PLK4: variants seen among roughly 807,000 people sequenced by gnomAD.
The protein encoded by PLK4 is serine/threonine-protein kinase PLK4.
A neutral mutation model predicts 103.0 loss-of-function variants in PLK4; 51 were observed. That is an observed-to-expected ratio of 0.50 (90% CI 0.40 to 0.63). The LOEUF is 0.63. Ranked by LOEUF, PLK4 falls within the 20% of genes least tolerant of loss-of-function variation. The pLI is 0.00. For missense variants in PLK4, 1,054 were observed against 1,151.0 expected, an observed-to-expected ratio of 0.92 and a Z score of 1.22; for synonymous variants, 389 against 376.8, an observed-to-expected ratio of 1.03 and a Z score of -0.38.
At chr4:127,887,979 A>C (rs1203784916) in intron 6 of PLK4, among the ~76,000 whole-genome samples, 4 of 151,176 alleles carry the variant, frequency 2.6e-5, no homozygotes, top group African/African-American at 9.7e-5. Flanking sequence ...CAGGCATTCG[A>C]GACCACCCTG....
chr4:127,887,274 A>G (rs1735171997), intron 5 of PLK4, 122 bp from the exon 6 acceptor site: 1 of 626,498 alleles, frequency 1.6e-6, no homozygotes, highest in East Asian at 2.8e-5. Context: ...ATTGTTTTCT[A>G]TAGTTATTCT....
At chr4:127,889,782 C>G (rs1735277000) in intron 6 of PLK4, 84 bp from the exon 7 acceptor site, 1 of 947,382 alleles carries the variant, frequency 1.1e-6, no homozygotes. Flanking sequence ...TCAAAAAATG[C>G]TATTACAATC....
chr4:127,895,165 A>C (rs191408673), intron 14 of PLK4, 72 bp downstream of exon 14: 129 of 990,244 alleles, frequency 1.3e-4, no homozygotes, highest in Non-Finnish European at 1.6e-4. Context: ...TAAGACAATT[A>C]CCAAAAAATA....
rs1445020190 is a variant in PLK4 at position 127,898,579 on chromosome 4, C to G, written c.*38C>G. 1 of 980,200 alleles carries G rather than the reference C, an allele frequency of 1.0e-6. No homozygotes were observed. Among genetic ancestry groups the G allele is most frequent in the African/African-American group, 1.7e-5 (1 of 60,538 alleles). The allele number at this position is 980,200 out of a possible 1,614,324, so 60.7% of individuals were successfully genotyped here. ...TCAGACATATAAGTTTAATAAATAACTTTTTTGTTGACTTTCAAGTAAAGT... is the reference window on the plus strand; with the variant it reads ...TCAGACATATAAGTTTAATAAATAAGTTTTTTGTTGACTTTCAAGTAAAGT... On this transcript the variant is annotated 3_prime_UTR_variant, in exon 16 of 16. Transcript: ENST00000270861.
chr4:127,891,428 A>T (rs759196161), intron 8 of PLK4, 151 bp from the exon 9 acceptor site: 2 of 448,382 alleles, frequency 4.5e-6, no homozygotes, highest in Non-Finnish European at 7.9e-6. Context: ...TTTAAGTTAA[A>T]AAGCAAAAAA....
chr4:127,897,500 G>A (rs755779643), intron 15 of PLK4, among the ~76,000 whole-genome samples: 8 of 152,198 alleles, frequency 5.3e-5, no homozygotes, highest in African/African-American at 9.7e-5. Flanking sequence ...CAATGCAGGC[G>A]TTCTCTTTTA....
At chr4:127,883,885 C>T (rs1735023612) in intron 4 of PLK4, among the ~76,000 whole-genome samples, 1 of 152,076 alleles carries the variant, frequency 6.6e-6, no homozygotes, top group Non-Finnish European at 1.5e-5. Context: ...CTAAATCAAG[C>T]ATAAATAGCC....
chr4:127,889,913 G>A lies in PLK4; in HGVS notation c.1507G>A (p.Asp503Asn). 2 of 1,612,768 alleles carry A rather than the reference G, an allele frequency of 1.2e-6. No homozygotes were observed. Among genetic ancestry groups the A allele is most frequent in the Non-Finnish European group, 1.7e-6 (2 of 1,179,486 alleles). The change falls in exon 7 of 16, where the codon GAC becomes AAC. Residue 503 changes from aspartate (D) to asparagine (N), a missense_variant. Transcript: ENST00000270861. ...ATATGACAGCATCAGCCCAAACCGG[G>A]ACTTCCAGGGCCATCCAGATTTGCA... ...TEYDSISPNR[D>N]FQGHPDLQKD...
In PLK4 at chr4:127,899,098, ATACT is replaced by A. The variant is rs1353496207; in HGVS notation, c.*560_*563del. ...ATTATCTTTTGATTCATTTAATTAA[ATACT>A]TATTTTTAAATAACTTACCAGTAAA... On this transcript the variant is annotated 3_prime_UTR_variant, in exon 16 of 16. Transcript: ENST00000270861. 1.3e-5 allele frequency: 2 copies of A among 152,278 alleles called. No individual in the cohort carries two copies. Among genetic ancestry groups the A allele is most frequent in the Non-Finnish European group, 2.9e-5 (2 of 68,044 alleles). 9.4% of individuals were successfully genotyped at this position (152,278 alleles called of 1,614,324 possible).
In PLK4 at chr4:127,880,928, AT is replaced by A; in HGVS notation, c.-203del. On this transcript the variant is annotated 5_prime_UTR_variant, in exon 1 of 16. Coordinates refer to ENST00000270861, the MANE Select transcript of PLK4 (RefSeq NM_014264.5). ...TAGCTCGGACGGCAAGCGGCGGGAG[AT>A]TTTCAAAATGGGAGCCCAGAGGCAC... 1 of 592,176 alleles carries A rather than the reference AT, an allele frequency of 1.7e-6. No individual in the cohort carries two copies. Among genetic ancestry groups the A allele is most frequent in the South Asian group, 2.0e-5 (1 of 49,446 alleles). The allele number at this position is 592,176 out of a possible 1,614,324, so 36.7% of individuals were successfully genotyped here.
Position 127,886,195 on chromosome 4 carries a change from T to C in PLK4, c.825T>C (p.Asp275=). The part of the protein sequence containing the change: ...MSRNSSTKSK[D]LGTVEDSIDS... Reference sequence around the variant, plus strand: ...GAAATTCTTCAACAAAAAGTAAAGATTTAGGAACTGTGGAAGACTCAATTG... The same window carrying C: ...GAAATTCTTCAACAAAAAGTAAAGACTTAGGAACTGTGGAAGACTCAATTG... Residue 275 remains aspartate (D), a synonymous_variant, in exon 5 of 16, where the codon GAT becomes GAC. Transcript: ENST00000270861. 6.2e-7 allele frequency: 1 copy of C among 1,614,112 alleles called. No individual in the cohort carries two copies. Among genetic ancestry groups the C allele is most frequent in the African/African-American group, 1.3e-5 (1 of 75,048 alleles).
chr4:127,889,102 A>T (rs894482019), intron 6 of PLK4, among the ~76,000 whole-genome samples: 1 of 152,176 alleles, frequency 6.6e-6, no homozygotes, highest in Non-Finnish European at 1.5e-5. Flanking sequence ...ATTTTTCAGT[A>T]TATTATTTGA....
Position 127,886,064 on chromosome 4 carries a change from T to G in PLK4, c.694T>G (p.Ser232Ala). 1 of 1,613,952 alleles carries G rather than the reference T, an allele frequency of 6.2e-7. No individual in the cohort carries two copies. The highest frequency in any genetic ancestry group is 8.5e-7 in the Non-Finnish European group (1 of 1,179,936). ...AGTATTGGCAGATTATGAAATGCCA[T>G]CTTTTTTGTCAATAGAGGCCAAGGA... ...KVVLADYEMP[S>A]FLSIEAKDLI... The change falls in exon 5 of 16, where the codon TCT becomes GCT. Residue 232 changes from serine to alanine, a missense_variant. Physicochemically the swap from Ser to Ala is moderately conservative, Grantham distance 99 (BLOSUM62 1). Coordinates refer to ENST00000270861, the MANE Select transcript of PLK4 (RefSeq NM_014264.5).
chr4:127,897,018 C>A (rs775048670), intron 15 of PLK4, 111 bp downstream of exon 15: 5 of 608,058 alleles, frequency 8.2e-6, no homozygotes, highest in Middle Eastern at 6.4e-4. Flanking sequence ...TGACAATGAT[C>A]GTGTGATTCT....
At chr4:127,891,052 A>G (rs765734783) in intron 7 of PLK4, 40 bp from the exon 8 acceptor site, 34 of 1,169,558 alleles carry the variant, frequency 2.9e-5, no homozygotes, top group Non-Finnish European at 4.1e-5. Context: ...TCTAGTAAAC[A>G]AAAGAATTAT....
chr4:127,881,403 G>A, intron 1 of PLK4: 1 of 1,415,440 alleles, frequency 7.1e-7, no homozygotes, highest in Non-Finnish European at 9.2e-7. Flanking sequence ...GTGTCCCGAG[G>A]CACTGCGGCT....
chr4:127,881,342 A>T, intron 1 of PLK4, 178 bp downstream of exon 1: 1 of 1,458,506 alleles, frequency 6.9e-7, no homozygotes, highest in Non-Finnish European at 9.0e-7. Flanking sequence ...CCCGCCCCTC[A>T]AGAGACAAGA....
chr4:127,898,413 G>T (rs775393962), intron 15 of PLK4, 26 bp from the exon 16 acceptor site: 1 of 1,053,412 alleles, frequency 9.5e-7, no homozygotes, highest in East Asian at 2.4e-5. Context: ...TTACGATTTT[G>T]TCTTTTTTTC....
rs750831360 is a variant in PLK4, at chr4:127,893,777, C to T, written c.2458C>T (p.Pro820Ser). 1.2e-6 allele frequency: 2 copies of T among 1,613,240 alleles called. No homozygotes were observed. The highest frequency in any genetic ancestry group is 2.2e-5 in the South Asian group (2 of 91,046). Residue 820 changes from proline to serine, a missense_variant, in exon 13 of 16, where the codon CCT (proline) becomes TCT (serine). Coordinates refer to ENST00000270861, the MANE Select transcript of PLK4 (RefSeq NM_014264.5). ...TTCACCTAAGGCCTTATCACCTCCT[C>T]CTTCTGTGGATTCAAATTACCCAAC... Reference protein sequence around the residue: ...TSSPKALSPPPSVDSNYPTRE... With the variant: ...TSSPKALSPPSSVDSNYPTRE...
Sources: gnomAD v4.1 joint callset for allele counts (sites outside exome capture counted in the v4.1 genomes callset) on GRCh38, gnomAD v4.1.1 for gene constraint, MANE v1.5 for transcripts, NCBI Gene and HGNC (gene_info 2026-07-23, HGNC 2026-07-21) for gene names.